KLHL5: variants seen among roughly 807,000 people sequenced by gnomAD.
KLHL5 encodes the protein kelch-like protein 5.
Under a neutral mutation model 77.7 loss-of-function variants are expected in KLHL5, and 48 were observed. That is an observed-to-expected ratio of 0.62 (90% CI 0.49 to 0.79). The LOEUF (loss-of-function observed/expected upper bound fraction) is 0.79. Ranked by LOEUF, KLHL5 falls within the 30% of genes least tolerant of loss-of-function variation. The pLI, the probability that KLHL5 is intolerant of heterozygous loss-of-function variation, is 0.00. For synonymous variants in KLHL5, 260 were observed against 297.0 expected, an observed-to-expected ratio of 0.88 and a Z score of 1.28; for missense variants, 723 against 859.7, an observed-to-expected ratio of 0.84 and a Z score of 1.99.
Position 39,081,633 on chromosome 4 carries a change from G to A in KLHL5, c.704-330G>A. 6.7e-6 allele frequency among the ~76,000 whole-genome samples: 1 copy of A among 150,208 alleles called. No homozygotes were observed. The highest frequency in any genetic ancestry group is 1.5e-5 in the Non-Finnish European group (1 of 67,836). The stretch of plus-strand genomic sequence containing the variant: ...GCAGTGAGCCATTGGTTACACCACT[G>A]CACTCCAGCCTGGGCAATAGAACAA... On this transcript the variant is annotated intron_variant, in intron 3 of 10. Coordinates refer to ENST00000504108, the MANE Select transcript of KLHL5 (RefSeq NM_015990.5). This position sits in a 1 kb window ranked among gnomAD's most constrained non-coding sequence, Gnocchi z 4.3.
chr4:39,105,737 TACACAC>T (rs10536180), intron 7 of KLHL5, among the ~76,000 whole-genome samples: 14,874 of 146,404 alleles, frequency 0.1, 1,463 homozygotes, highest in African/African-American at 0.26. Context: ...TATATATGTA[TACACAC>T]ACACACACAC....
chr4:39,051,049 A>C (rs141735513), intron 1 of KLHL5, among the ~76,000 whole-genome samples: 27 of 152,364 alleles, frequency 1.8e-4, no homozygotes, highest in African/African-American at 6.5e-4. Flanking sequence ...GAAGAACGGC[A>C]CATGTAATAT....
At chr4:39,075,827 A>G (rs1718975705) in intron 1 of KLHL5, 138 bp from the exon 2 acceptor site, 1 of 662,128 alleles carries the variant, frequency 1.5e-6, no homozygotes, top group African/African-American at 1.9e-5. Flanking sequence ...GACTAAAATG[A>G]TGAATGATTA....
At chr4:39,068,249 A>C (rs534602402) in intron 1 of KLHL5, among the ~76,000 whole-genome samples, 28 of 151,940 alleles carry the variant, frequency 1.8e-4, no homozygotes, top group Non-Finnish European at 3.5e-4. Flanking sequence ...ATTCTGGTTC[A>C]GTTTTAAATT....
At chr4:39,104,206 G>T (rs1229605316) in intron 7 of KLHL5, among the ~76,000 whole-genome samples, 3 of 152,112 alleles carry the variant, frequency 2.0e-5, no homozygotes, top group Non-Finnish European at 4.4e-5. Flanking sequence ...AGTTCTCAGT[G>T]AAAGATGATT....
downstream of KLHL5, chr4:39,126,615 C>T: frequency 4.9e-6 from 2 of 407,242 alleles, no homozygotes; most frequent in Non-Finnish European, 9.7e-6. Flanking sequence ...ATCTAGTGCC[C>T]TGGATCTTTG....
intron 5 of KLHL5, among the ~76,000 whole-genome samples, chr4:39,088,314 T>C (rs1037997498): frequency 3.9e-5 from 6 of 152,200 alleles, no homozygotes; most frequent in Non-Finnish European, 7.3e-5. Flanking sequence ...TTGAAAGGCA[T>C]TTTGGAGATC....
intron 8 of KLHL5, among the ~76,000 whole-genome samples, chr4:39,108,077 T>A (rs1722181708): frequency 6.6e-6 from 1 of 151,758 alleles, no homozygotes; most frequent in Non-Finnish European, 1.5e-5. Flanking sequence ...GTATATATGG[T>A]CTTTTAAAAG....
intron 8 of KLHL5, among the ~76,000 whole-genome samples, chr4:39,111,472 T>C (rs1029281516): frequency 6.6e-6 from 1 of 152,198 alleles, no homozygotes; most frequent in Admixed American, 6.5e-5. Context: ...GAGGGTAAGA[T>C]GCTTTAAAGC....
At chr4:39,113,472 TAAG>T (rs1160887801) in intron 9 of KLHL5, among the ~76,000 whole-genome samples, 2 of 152,278 alleles carry the variant, frequency 1.3e-5, no homozygotes, top group South Asian at 2.1e-4. Context: ...TTGGACCTAA[TAAG>T]AAGAGGAGCT....
At chr4:39,115,078 A>C in intron 9 of KLHL5, 81 bp from the exon 10 acceptor site, 1 of 1,232,016 alleles carries the variant, frequency 8.1e-7, no homozygotes, top group East Asian at 2.4e-5. Context: ...ATGAGTCAGA[A>C]GATAGACTTG....
the KLHL5 span, among the ~76,000 whole-genome samples, chr4:39,140,535 T>G: frequency 2.0e-5 from 3 of 152,220 alleles, no homozygotes; most frequent in Non-Finnish European, 4.4e-5. Context: ...AATTTTCTGA[T>G]TGGTTCAAAT....
chr4:39,086,659 T>C lies in KLHL5; in HGVS notation c.1045T>C (p.Leu349=). ...NALLTWVRHD[L]EQRRKDLSKL... ...ACTTCTTACTTGGGTCCGTCATGAT[T>C]TGGAACAGAGACGGAAAGATCTAAG... Residue 349 remains leucine (L), a synonymous_variant, in exon 5 of 11, where the codon TTG becomes CTG. Coordinates refer to ENST00000504108, the MANE Select transcript of KLHL5 (RefSeq NM_015990.5). 1 of 1,614,026 alleles carries C rather than the reference T, an allele frequency of 6.2e-7. No homozygotes were observed. The highest frequency in any genetic ancestry group is 8.5e-7 in the Non-Finnish European group (1 of 1,179,948).
rs1375531264 is a variant in KLHL5 at position 39,126,082 on chromosome 4, T to G, written c.*5016T>G. On this transcript the variant is annotated 3_prime_UTR_variant, in exon 11 of 11. Transcript: ENST00000504108. ...CATGAGGGGAGAGTTAACGGGGAAC[T>G]TCCCCACCGTCCGGTACATGGCAGG... Among the ~76,000 whole-genome samples, 1 of 152,160 alleles carries G rather than the reference T, an allele frequency of 6.6e-6. No individual in the cohort carries two copies. Among genetic ancestry groups the G allele is most frequent in the Non-Finnish European group, 1.5e-5 (1 of 68,014 alleles).
chr4:39,136,773 C>T, the KLHL5 span, among the ~76,000 whole-genome samples: 1 of 152,186 alleles, frequency 6.6e-6, no homozygotes, highest in Non-Finnish European at 1.5e-5. Flanking sequence ...GGTGCCTGTC[C>T]AGGGGACAGC....
rs925192089 is a variant in KLHL5, at chr4:39,107,877, T to C, written c.1688+146T>C. The C allele has an allele frequency of 1.4e-5, 8 of 553,236 alleles. No individual in the cohort carries two copies. The African/African-American group carries it at 1.5e-4, about 10-fold the overall frequency. 34.3% of individuals were successfully genotyped at this position (553,236 alleles called of 1,614,324 possible). A position where few individuals can be genotyped will look rare whatever the true frequency, so the allele number is the denominator to read the frequency against. ...TGTCTCTTTCTATAATAGTTGTAAA[T>C]ATATTGTTTTAATAGTTGTTAAGCT... On this transcript the variant is annotated intron_variant, in intron 8 of 10. Coordinates refer to ENST00000504108, the MANE Select transcript of KLHL5 (RefSeq NM_015990.5).
intron 5 of KLHL5, among the ~76,000 whole-genome samples, chr4:39,095,639 A>G (rs1367336657): frequency 6.6e-6 from 1 of 151,928 alleles, no homozygotes; most frequent in Non-Finnish European, 1.5e-5. Context: ...GTATATATGT[A>G]TGTACATACT....
intron 1 of KLHL5, among the ~76,000 whole-genome samples, chr4:39,070,385 A>G (rs1718363523): frequency 6.6e-6 from 1 of 152,310 alleles, no homozygotes; most frequent in Middle Eastern, 3.4e-3. Context: ...TCATTCTTCC[A>G]TGTATGGATT....
chr4:39,122,387 A>G lies in KLHL5; in HGVS notation c.*1321A>G, dbSNP rs1723256757. Among the ~76,000 whole-genome samples the G allele has an allele frequency of 6.6e-6, 1 of 152,202 alleles. No individual in the cohort carries two copies. The highest frequency in any genetic ancestry group is 1.9e-4 in the East Asian group (1 of 5,194). On this transcript the variant is annotated 3_prime_UTR_variant, in exon 11 of 11. Transcript: ENST00000504108. ...CTATTCCCTTTTTATAGCTAAGGAAATTGGGGTACAGAGAAGTTAGCCCCA... is the reference window on the plus strand; with the variant it reads ...CTATTCCCTTTTTATAGCTAAGGAAGTTGGGGTACAGAGAAGTTAGCCCCA...
Sources: gnomAD v4.1 joint callset for allele counts (sites outside exome capture counted in the v4.1 genomes callset) on GRCh38, gnomAD v4.1.1 for gene constraint, Gnocchi (gnomAD v3.1) non-coding constraint, MANE v1.5 for transcripts, NCBI Gene and HGNC (gene_info 2026-07-23, HGNC 2026-07-21) for gene names.